Variants in SIPA1L2 observed in about 807,000 individuals in gnomAD.
SIPA1L2 encodes signal induced proliferation associated 1 like 2, also known as signal-induced proliferation-associated 1-like protein 2.
Under a neutral mutation model 163.9 loss-of-function variants are expected in SIPA1L2, and 56 were observed. The ratio of observed to expected loss-of-function variants is 0.34; its 90% CI spans 0.28 to 0.43. The LOEUF is 0.43. Ranked by LOEUF, SIPA1L2 falls within the 20% of genes least tolerant of loss-of-function variation. SIPA1L2 has a pLI of 1.00. For synonymous variants in SIPA1L2, 877 were observed against 865.7 expected (o/e 1.01, Z -0.23); for missense variants, 1,974 against 2,193.5 (o/e 0.90, Z 2.00).
At chr1:232,470,847 G>C (rs4649268) in intron 8 of SIPA1L2, among the ~76,000 whole-genome samples, 9,640 of 152,204 alleles carry the variant, frequency 0.063, 562 homozygotes, top group Admixed American at 0.18. Flanking sequence ...ATGATCATTT[G>C]GCTGCAGTTA....
At chr1:232,445,447 A>G (rs1215843146) in intron 11 of SIPA1L2, 82 bp downstream of exon 11, 15 of 1,581,346 alleles carry the variant, frequency 9.5e-6, no homozygotes, top group Non-Finnish European at 2.6e-6. Context: ...AGAAGTGATT[A>G]AGCAAAACCC....
chr1:232,611,102 T>C (rs549961166), intron 1 of SIPA1L2, among the ~76,000 whole-genome samples: 64 of 152,264 alleles, frequency 4.2e-4, no homozygotes, highest in Admixed American at 3.5e-3. Flanking sequence ...CAAGATCTGA[T>C]GGTTTTATCA....
intron 3 of SIPA1L2, among the ~76,000 whole-genome samples, chr1:232,501,050 ATTTTTTTTTTT>A (rs60008360): frequency 1.3e-5 from 1 of 78,450 alleles, no homozygotes; most frequent in Non-Finnish European, 2.3e-5. Flanking sequence ...GCAATGAAGT[ATTTTTTTTTTT>A]TTTTTTTTTT....
At chr1:232,471,850 T>C (rs1162556915) in intron 7 of SIPA1L2, among the ~76,000 whole-genome samples, 3 of 152,152 alleles carry the variant, frequency 2.0e-5, no homozygotes, top group Admixed American at 6.5e-5. Context: ...CTTTGAGAAA[T>C]GTTGTAGTTT....
At chr1:232,452,552 C>T (rs1005606058) in intron 10 of SIPA1L2, among the ~76,000 whole-genome samples, 9 of 152,212 alleles carry the variant, frequency 5.9e-5, no homozygotes, top group Admixed American at 3.3e-4. Flanking sequence ...TTGAGTTTCT[C>T]GGAAGAACCT....
chr1:232,511,303 G>A (rs1327921713), intron 3 of SIPA1L2, among the ~76,000 whole-genome samples: 1 of 152,178 alleles, frequency 6.6e-6, no homozygotes, highest in East Asian at 1.9e-4. Flanking sequence ...GAGGAAAGGA[G>A]ACACAACAGG....
intron 10 of SIPA1L2, among the ~76,000 whole-genome samples, chr1:232,454,982 A>G (rs1188095890): frequency 6.6e-6 from 1 of 152,262 alleles, no homozygotes; most frequent in African/African-American, 2.4e-5. Context: ...CCCAGTGCTC[A>G]GCACAGTTCC....
chr1:232,557,786 A>G (rs1411934879), intron 2 of SIPA1L2, among the ~76,000 whole-genome samples: 1 of 152,214 alleles, frequency 6.6e-6, no homozygotes, highest in Non-Finnish European at 1.5e-5. Flanking sequence ...CCTGCCTAAC[A>G]AGATGCCTGG....
At chr1:232,607,786 T>C (rs1045075657) in intron 1 of SIPA1L2, among the ~76,000 whole-genome samples, 12 of 150,284 alleles carry the variant, frequency 8.0e-5, no homozygotes, top group African/African-American at 2.9e-4. Flanking sequence ...CCGGGCACAG[T>C]ATCTCATGCC....
chr1:232,597,325 G>A (rs1358089639), intron 1 of SIPA1L2, among the ~76,000 whole-genome samples: 1 of 151,844 alleles, frequency 6.6e-6, no homozygotes, highest in Non-Finnish European at 1.5e-5. Flanking sequence ...AACTGGTAGA[G>A]GCCAGGTGAC....
chr1:232,517,396 C>A (rs1667263724), intron 2 of SIPA1L2, among the ~76,000 whole-genome samples: 2 of 152,186 alleles, frequency 1.3e-5, no homozygotes, highest in South Asian at 4.1e-4. Context: ...CAACCCACCA[C>A]CCAGAGGGAA....
intron 1 of SIPA1L2, among the ~76,000 whole-genome samples, chr1:232,591,299 G>A (rs771039624): frequency 6.6e-5 from 10 of 152,250 alleles, no homozygotes; most frequent in Non-Finnish European, 1.2e-4. Flanking sequence ...ATATTTCAGA[G>A]AGAAGATCAA....
intron 2 of SIPA1L2, among the ~76,000 whole-genome samples, chr1:232,564,149 CGTGTGTGTGTGTGTGTGTGTGT>C (rs560949113): frequency 2.2e-5 from 1 of 44,612 alleles, no homozygotes; most frequent in African/African-American, 1.4e-4. Context: ...TTTTTTTTTT[CGTGTGTGTGTGTGTGTGTGTGT>C]GTGTGTGTGT....
intron 2 of SIPA1L2, among the ~76,000 whole-genome samples, chr1:232,535,204 C>T (rs1657226615): frequency 1.3e-5 from 2 of 152,214 alleles, no homozygotes; most frequent in South Asian, 4.1e-4. Flanking sequence ...CCCAGTCTGC[C>T]AGAGAAAGTA....
intron 2 of SIPA1L2, among the ~76,000 whole-genome samples, chr1:232,520,069 G>A (rs1402115974): frequency 1.3e-5 from 2 of 152,186 alleles, no homozygotes; most frequent in Non-Finnish European, 2.9e-5. Context: ...CATCTGGAGG[G>A]TGGTGAGAAG....
chr1:232,400,757 G>A (rs76466909), intron 22 of SIPA1L2, among the ~76,000 whole-genome samples: 4,217 of 152,072 alleles, frequency 0.028, 103 homozygotes, highest in Non-Finnish European at 0.041. Flanking sequence ...CACTCTGGCC[G>A]TTCAGCCTCT....
At chr1:232,516,572 T>C (rs1374651077) in intron 2 of SIPA1L2, among the ~76,000 whole-genome samples, 1 of 152,214 alleles carries the variant, frequency 6.6e-6, no homozygotes, top group South Asian at 2.1e-4. Flanking sequence ...TAAAATATCA[T>C]TTTATTTCCT....
rs780220404 is a variant in SIPA1L2 at position 232,483,887 on chromosome 1, G to A, written c.1886C>T (p.Thr629Met). Residue 629 changes from threonine (T) to methionine (M), a missense_variant, in exon 6 of 23, where the codon ACG becomes ATG. Physicochemically the swap from Thr to Met is moderately conservative, Grantham distance 81. Transcript: ENST00000674635. The part of the protein sequence containing the change: ...STEEEMYNNE[T>M]AGPAFEEFLD... ...GAATTCTTCAAAAGCTGGTCCCGCCGTCTCATTGTTATACATCTCTTCCTC... is the reference window on the plus strand; with the variant it reads ...GAATTCTTCAAAAGCTGGTCCCGCCATCTCATTGTTATACATCTCTTCCTC... 41 of 1,613,868 alleles carry A rather than the reference G, an allele frequency of 2.5e-5. No individual in the cohort carries two copies. Among genetic ancestry groups the A allele is most frequent in the Non-Finnish European group, 3.2e-5 (38 of 1,179,938 alleles).
At chr1:232,405,456 C>A (rs1660581026) in intron 19 of SIPA1L2, among the ~76,000 whole-genome samples, 1 of 152,200 alleles carries the variant, frequency 6.6e-6, no homozygotes, top group African/African-American at 2.4e-5. Context: ...TAATTAAGAT[C>A]AACAACATAG....
Sources: gnomAD v4.1 joint callset for allele counts (sites outside exome capture counted in the v4.1 genomes callset) on GRCh38, gnomAD v4.1.1 for gene constraint, MANE v1.5 for transcripts, NCBI Gene and HGNC (gene_info 2026-07-23, HGNC 2026-07-21) for gene names.